The following SLC35F5 variants were observed in gnomAD, a reference collection of about 807,000 sequenced individuals.
SLC35F5 encodes the protein HCV NS5A-transactivated protein 3.
In SLC35F5, 54 loss-of-function variants were observed where a neutral mutation model predicts 68.6. That is an observed-to-expected ratio of 0.79 (90% confidence interval 0.63 to 0.99). The LOEUF (loss-of-function observed/expected upper bound fraction) is 0.99. SLC35F5 is among the 50% of genes least tolerant of loss of function. The pLI is 0.00. For missense variants in SLC35F5, 567 were observed against 626.9 expected (o/e 0.90, Z 1.02); for synonymous variants, 211 against 205.2 (o/e 1.03, Z -0.24).
At chr2:113,739,750 G>C (rs1688220820) in intron 7 of SLC35F5, among the ~76,000 whole-genome samples, 1 of 151,954 alleles carries the variant, frequency 6.6e-6, no homozygotes, top group Non-Finnish European at 1.5e-5. Flanking sequence ...GAGATTAGGG[G>C]ACAAACCCTC....
At chr2:113,755,433 G>T in intron 2 of SLC35F5, 21 bp downstream of exon 2, 1 of 1,612,316 alleles carries the variant, frequency 6.2e-7, no homozygotes, top group Admixed American at 1.7e-5. Context: ...AAGTTACATA[G>T]AGGATAAACG....
At chr2:113,738,521 C>T (rs1574249174) in intron 7 of SLC35F5, among the ~76,000 whole-genome samples, 1 of 152,006 alleles carries the variant, frequency 6.6e-6, no homozygotes, top group African/African-American at 2.4e-5. Flanking sequence ...AGGTTGTTCC[C>T]GTATCTTGTC....
Position 113,755,215 on chromosome 2 carries a change from T to A in SLC35F5, c.223A>T (p.Ile75Phe). ...CATATCACATCAACAAGCAGAAGAA[T>A]AACAATCCCAAGAGCCATTCGCCTG... ...QRRRMALGIVILLLVDVIWVA... is the reference protein window; with the variant it reads ...QRRRMALGIVFLLLVDVIWVA... The change falls in exon 3 of 16, where the codon ATT becomes TTT. Residue 75 changes from isoleucine to phenylalanine, a missense_variant. Coordinates refer to ENST00000245680, the MANE Select transcript of SLC35F5 (RefSeq NM_025181.5). 5 of 1,614,012 alleles carry A rather than the reference T, an allele frequency of 3.1e-6. No individual in the cohort carries two copies. Among genetic ancestry groups the A allele is most frequent in the Non-Finnish European group, 3.4e-6 (4 of 1,180,012 alleles).
rs190333473 is a variant in SLC35F5, at chr2:113,743,357, A to G, written c.562+356T>C. 1.4e-4 allele frequency among the ~76,000 whole-genome samples: 22 copies of G among 152,302 alleles called. No homozygotes were observed. The East Asian group carries it at 2.1e-3, about 15-fold the overall frequency. On this transcript the variant is annotated intron_variant, in intron 6 of 15. Transcript: ENST00000245680. The stretch of plus-strand genomic sequence containing the variant: ...TGTTAAAGGTGGCATTCTTTACTAA[A>G]TTCACAGAATCAGCAAAACTCTTAT...
chr2:113,743,303 G>A (rs1177296388), intron 6 of SLC35F5, among the ~76,000 whole-genome samples: 1 of 152,056 alleles, frequency 6.6e-6, no homozygotes, highest in African/African-American at 2.4e-5. Flanking sequence ...TTCCTTGCAA[G>A]GGAAATTAAG....
At chr2:113,716,340 A>C (rs772582030) in intron 15 of SLC35F5, among the ~76,000 whole-genome samples, 1 of 152,168 alleles carries the variant, frequency 6.6e-6, no homozygotes, top group Non-Finnish European at 1.5e-5. Flanking sequence ...TTTAAGGTTT[A>C]CTCTCCAAAA....
intron 13 of SLC35F5, chr2:113,719,588 A>G: frequency 4.0e-6 from 1 of 252,850 alleles, no homozygotes; most frequent in Non-Finnish European, 7.4e-6. Context: ...TAGGCATTGT[A>G]CACTTAGAGT....
rs948922004 is a variant in SLC35F5 at position 113,707,220 on chromosome 2, C to T, written c.*7998G>A. 1.2e-4 allele frequency among the ~76,000 whole-genome samples: 19 copies of T among 152,032 alleles called. No individual in the cohort carries two copies. The highest frequency in any genetic ancestry group is 4.3e-4 in the African/African-American group (18 of 41,380). On this transcript the variant is annotated 3_prime_UTR_variant, in exon 16 of 16. Coordinates refer to ENST00000245680, the MANE Select transcript of SLC35F5 (RefSeq NM_025181.5). ...TCTTCCGAAAGTACTCTTTGATTAC[C>T]TCTGGCCTTCTGGGTCTGGTAATTA...
chr2:113,735,900 T>C, intron 7 of SLC35F5, 42 bp from the exon 8 acceptor site: 1 of 1,160,308 alleles, frequency 8.6e-7, no homozygotes, highest in East Asian at 2.4e-5. Flanking sequence ...ATGAAAGACA[T>C]GTTTACATCT....
intron 12 of SLC35F5, among the ~76,000 whole-genome samples, chr2:113,724,115 G>A (rs772114727): frequency 5.9e-5 from 9 of 152,180 alleles, no homozygotes; most frequent in Non-Finnish European, 1.3e-4. Flanking sequence ...GCTGAACAAC[G>A]AGTCCTTATT....
In SLC35F5 at chr2:113,712,938, A is replaced by T. The variant is rs1687043348; in HGVS notation, c.*2280T>A. The T allele has an allele frequency of 1.3e-5, 2 of 152,158 alleles. No individual in the cohort carries two copies. The highest frequency in any genetic ancestry group is 1.3e-4 in the Admixed American group (2 of 15,274). 9.4% of individuals were successfully genotyped at this position (152,158 alleles called of 1,614,324 possible). On this transcript the variant is annotated 3_prime_UTR_variant, in exon 16 of 16. Coordinates refer to ENST00000245680, the MANE Select transcript of SLC35F5 (RefSeq NM_025181.5). ...AAAGACCTGCAATGTGCTCATTGTG[A>T]TCCAAGGGCCTTGTTACCTAGTTTC...
chr2:113,712,143 AT>A lies in SLC35F5; in HGVS notation c.*3074del. 6.6e-6 allele frequency among the ~76,000 whole-genome samples: 1 copy of A among 152,340 alleles called. No individual in the cohort carries two copies. On this transcript the variant is annotated 3_prime_UTR_variant, in exon 16 of 16. Coordinates refer to ENST00000245680, the MANE Select transcript of SLC35F5 (RefSeq NM_025181.5). ...TCACTTCTACAAGAACAATGAACTTATTTGTCAGCTGCCAGGGGGAAAATCA... is the reference window on the plus strand; with the variant it reads ...TCACTTCTACAAGAACAATGAACTTATTGTCAGCTGCCAGGGGGAAAATCA...
intron 11 of SLC35F5, among the ~76,000 whole-genome samples, chr2:113,728,969 TGTACATAA>T (rs1413671764): frequency 2.6e-5 from 4 of 152,232 alleles, no homozygotes; most frequent in Non-Finnish European, 5.9e-5. Context: ...CAATTTTTAA[TGTACATAA>T]GTACATAGAC....
Position 113,714,466 on chromosome 2 carries a change from A to G in SLC35F5, c.*752T>C, listed in dbSNP as rs1181717763. 1 of 152,104 alleles carries G rather than the reference A, an allele frequency of 6.6e-6. No individual in the cohort carries two copies. Among genetic ancestry groups the G allele is most frequent in the Non-Finnish European group, 1.5e-5 (1 of 67,950 alleles). 9.4% of individuals were successfully genotyped at this position (152,104 alleles called of 1,614,324 possible). On this transcript the variant is annotated 3_prime_UTR_variant, in exon 16 of 16. Coordinates refer to ENST00000245680, the MANE Select transcript of SLC35F5 (RefSeq NM_025181.5). The stretch of plus-strand genomic sequence containing the variant: ...CTATTTCTTCAAAACTCTAAATTAA[A>G]CAGAGCTTTATCAATTAAGTTTACA...
intron 3 of SLC35F5, among the ~76,000 whole-genome samples, chr2:113,754,425 A>G (rs1194225845): frequency 2.6e-5 from 4 of 152,206 alleles, no homozygotes; most frequent in African/African-American, 9.7e-5. Context: ...CATTTTATAA[A>G]TGCCAGTTTC....
rs3931919 is a variant in SLC35F5 at position 113,718,918 on chromosome 2, A to G, written c.1496+236T>C. On this transcript the variant is annotated intron_variant, in intron 14 of 15. Transcript: ENST00000245680. Reference sequence around the variant, plus strand: ...GAAAGAAAGAAAGAAAGAAAGAAAGAAAGAAAGAAAAAGAAAGGAAGAAAG... The same window carrying G: ...GAAAGAAAGAAAGAAAGAAAGAAAGGAAGAAAGAAAAAGAAAGGAAGAAAG... Among the ~76,000 whole-genome samples the G allele has an allele frequency of 4.2e-3, 197 of 46,638 alleles. 1 individual carries two copies. The highest frequency in any genetic ancestry group is 0.011 in the African/African-American group (188 of 17,674). The allele number at this position is 46,638 out of a possible 152,430, so 30.6% of individuals were successfully genotyped here. A position where few individuals can be genotyped will look rare whatever the true frequency, so the allele number is the denominator to read the frequency against.
intron 3 of SLC35F5, among the ~76,000 whole-genome samples, chr2:113,752,934 C>G (rs1055243652): frequency 1.5e-4 from 23 of 151,902 alleles, no homozygotes; most frequent in Admixed American, 1.5e-3. Flanking sequence ...GGAAAGAAAT[C>G]GTGGGTGAAA....
At chr2:113,706,543 C>G (rs886418384), downstream of SLC35F5, among the ~76,000 whole-genome samples, 3 of 152,120 alleles carry the variant, frequency 2.0e-5, no homozygotes, top group Non-Finnish European at 2.9e-5. Context: ...AGGACCCTCC[C>G]AAGGGCAATT....
intron 13 of SLC35F5, among the ~76,000 whole-genome samples, chr2:113,722,564 G>C (rs938738660): frequency 6.6e-6 from 1 of 152,134 alleles, no homozygotes; most frequent in Non-Finnish European, 1.5e-5. Flanking sequence ...TTCCCTTCTA[G>C]GCTGCTGGCA....
Sources: allele counts gnomAD v4.1 joint callset (sites outside exome capture counted in the v4.1 genomes callset), GRCh38; gene constraint gnomAD v4.1.1; transcripts MANE v1.5; gene names NCBI Gene and HGNC (gene_info 2026-07-23, HGNC 2026-07-21).